Variants in GARNL3 observed in about 807,000 individuals in gnomAD.
GARNL3 encodes GTPase-activating Rap/Ran-GAP domain-like protein 3.
In GARNL3, 63 loss-of-function variants were observed where a neutral mutation model predicts 125.0. That is an observed-to-expected ratio of 0.50 (90% CI 0.41 to 0.62). The LOEUF is 0.62. Among genes scored for constraint, GARNL3 ranks in the 20% least tolerant of loss-of-function variants. The pLI, the probability that GARNL3 is intolerant of heterozygous loss-of-function variation, is 0.00. For missense variants in GARNL3, 994 were observed against 1,244.0 expected, an observed-to-expected ratio of 0.80 and a Z score of 3.02; for synonymous variants, 439 against 457.5, an observed-to-expected ratio of 0.96 and a Z score of 0.52.
intron 1 of GARNL3, among the ~76,000 whole-genome samples, chr9:127,228,813 AC>A (rs1182105225): frequency 1.3e-5 from 2 of 151,630 alleles, no homozygotes; most frequent in African/African-American, 4.8e-5. Context: ...TCCTGTTTAT[AC>A]TTTTTTGTTG....
intron 1 of GARNL3, among the ~76,000 whole-genome samples, chr9:127,231,072 T>G (rs1268472316): frequency 4.9e-5 from 6 of 122,306 alleles, no homozygotes; most frequent in Non-Finnish European, 1.0e-4. Flanking sequence ...TTTTTTTTTT[T>G]GAGACAGAGT....
At chr9:127,391,005 C>T (rs1002841276) in intron 27 of GARNL3, among the ~76,000 whole-genome samples, 4 of 152,228 alleles carry the variant, frequency 2.6e-5, no homozygotes, top group Admixed American at 1.3e-4. Context: ...TGAGACCTGG[C>T]CAGGCACAGT....
chr9:127,241,969 GT>G (rs751080752), intron 1 of GARNL3, among the ~76,000 whole-genome samples: 1 of 149,460 alleles, frequency 6.7e-6, no homozygotes, highest in Admixed American at 6.6e-5. Context: ...TGTTGTTGTT[GT>G]TTGTTTTTTA....
intron 26 of GARNL3, 41 bp downstream of exon 26, chr9:127,389,160 A>G: frequency 7.1e-7 from 1 of 1,410,712 alleles, no homozygotes; most frequent in South Asian, 1.2e-5. Context: ...CTGTGAACAG[A>G]CCAGCTGGTT....
At chr9:127,353,681 A>G in intron 17 of GARNL3, 165 bp from the exon 18 acceptor site, 5 of 658,694 alleles carry the variant, frequency 7.6e-6, no homozygotes, top group South Asian at 3.4e-5. Flanking sequence ...CTAGGAGGAG[A>G]ATAGTGCTTG....
At chr9:127,363,279 C>T (rs1234561188) in intron 21 of GARNL3, 1 of 152,310 alleles carries the variant, frequency 6.6e-6, no homozygotes, top group African/African-American at 2.4e-5. Flanking sequence ...CTGGTCCTCA[C>T]TGTCACTCCC....
chr9:127,227,710 G>C lies in GARNL3; in HGVS notation c.-29+3372G>C, dbSNP rs548683979. 2.0e-5 allele frequency among the ~76,000 whole-genome samples: 3 copies of C among 152,266 alleles called. No homozygotes were observed. The East Asian group carries it at 5.8e-4, about 29-fold the overall frequency. On this transcript the variant is annotated intron_variant, in intron 1 of 10. Transcript: ENST00000439286. ...GGCACGGGGACCGCTTGAGGCCTCA[G>C]GAGTTCAAGACTAGTCTGGGCTACA...
At chr9:127,339,155 G>T (rs1186120144) in intron 12 of GARNL3, among the ~76,000 whole-genome samples, 1 of 152,012 alleles carries the variant, frequency 6.6e-6, no homozygotes, top group Non-Finnish European at 1.5e-5. Flanking sequence ...AAATTAGCCG[G>T]GCGTGGTGGC....
intron 2 of GARNL3, among the ~76,000 whole-genome samples, chr9:127,295,982 A>G (rs2131389326): frequency 6.6e-6 from 1 of 152,324 alleles, no homozygotes; most frequent in Admixed American, 6.5e-5. Context: ...TCCTGCAAAT[A>G]GACGGTTCCA....
At chr9:127,360,008 G>GAA (rs139476881) in intron 21 of GARNL3, among the ~76,000 whole-genome samples, 1 of 150,958 alleles carries the variant, frequency 6.6e-6, no homozygotes, top group African/African-American at 2.4e-5. Flanking sequence ...TTTCCTAAGA[G>GAA]AAAAAAAAAT....
Position 127,242,743 on chromosome 9 carries a change from A to T in GARNL3, c.-28-336A>T, listed in dbSNP as rs561413302. 8.7e-4 allele frequency among the ~76,000 whole-genome samples: 133 copies of T among 152,310 alleles called. 1 individual carries two copies. Among genetic ancestry groups the T allele is most frequent in the African/African-American group, 3.1e-3 (129 of 41,572 alleles). On this transcript the variant is annotated intron_variant, in intron 1 of 10. Coordinates refer to the GARNL3 transcript ENST00000439286. This position sits in a 1 kb window ranked among gnomAD's most constrained non-coding sequence, Gnocchi z 4.6. ...CGGTGATTCTCCAGAAGCATTCTAG[A>T]CATAGCTTCCCTTACCAAATTCATA...
intron 2 of GARNL3, among the ~76,000 whole-genome samples, chr9:127,299,729 C>T (rs1008990571): frequency 1.0e-3 from 154 of 152,278 alleles, no homozygotes; most frequent in African/African-American, 3.7e-3. Flanking sequence ...AGCCACCACA[C>T]CTGGCTAATT....
At chr9:127,313,661 C>T (rs1326462237) in intron 4 of GARNL3, 102 bp downstream of exon 4, 5 of 819,352 alleles carry the variant, frequency 6.1e-6, no homozygotes, top group South Asian at 2.8e-5. Context: ...GGGCATGCCT[C>T]ATAGTCTTCT....
At chr9:127,325,221 A>C in intron 7 of GARNL3, 126 bp downstream of exon 7, 2 of 868,870 alleles carry the variant, frequency 2.3e-6, no homozygotes, top group Non-Finnish European at 3.7e-6. Context: ...ACAGTGGGAC[A>C]CATTGCGCGG....
In GARNL3 at chr9:127,231,062, T is replaced by A. The variant is rs1316738722; in HGVS notation, c.-29+6724T>A. Among the ~76,000 whole-genome samples the A allele has an allele frequency of 5.9e-4, 38 of 64,458 alleles. 1 individual carries two copies. The South Asian group carries it at 9.0e-3, about 15-fold the overall frequency. 42.3% of individuals were successfully genotyped at this position (64,458 alleles called of 152,430 possible). A position where few individuals can be genotyped will look rare whatever the true frequency, so the allele number is the denominator to read the frequency against. On this transcript the variant is annotated intron_variant, in intron 1 of 10. Coordinates refer to the GARNL3 transcript ENST00000439286. ...TATATATATATATATTTTTTTTTTT[T>A]TTTTTTTTTTGAGACAGAGTCTAGC...
intron 1 of GARNL3, among the ~76,000 whole-genome samples, chr9:127,231,050 A>ATATATATTTTTTT (rs1161629810): frequency 1.1e-5 from 1 of 89,580 alleles, no homozygotes; most frequent in African/African-American, 7.9e-5. Flanking sequence ...ATATATATAT[A>ATATATATTTTTTT]TTTTTTTTTT....
At chr9:127,346,840 G>A (rs889690238) in intron 16 of GARNL3, among the ~76,000 whole-genome samples, 3 of 152,118 alleles carry the variant, frequency 2.0e-5, no homozygotes. Context: ...AGCACTCATC[G>A]TTTCATGAGC....
intron 17 of GARNL3, chr9:127,353,607 C>G (rs1483697341): frequency 4.2e-6 from 2 of 472,672 alleles, no homozygotes; most frequent in African/African-American, 2.0e-5. Flanking sequence ...CTGCTACGCC[C>G]CCTATATAGA....
chr9:127,337,701 A>G (rs1012115829), intron 11 of GARNL3, among the ~76,000 whole-genome samples: 11 of 152,246 alleles, frequency 7.2e-5, no homozygotes, highest in Non-Finnish European at 1.5e-4. Flanking sequence ...GAAGGTATAC[A>G]GCGGAAACAT....
Sources: gnomAD v4.1 joint callset for allele counts (sites outside exome capture counted in the v4.1 genomes callset) on GRCh38, gnomAD v4.1.1 for gene constraint, Gnocchi (gnomAD v3.1) non-coding constraint, MANE v1.5 for transcripts, NCBI Gene and HGNC (gene_info 2026-07-23, HGNC 2026-07-21) for gene names.